The following B3GNT2 variants were observed in gnomAD, a reference collection of about 807,000 sequenced individuals.
The protein encoded by B3GNT2 is N-acetyllactosaminide beta-1,3-N-acetylglucosaminyltransferase 2.
A neutral mutation model predicts 27.6 loss-of-function variants in B3GNT2; 12 were observed. The observed-to-expected ratio is 0.44, with a 90% CI of 0.28 to 0.71. The LOEUF is 0.71. B3GNT2 is among the 30% of genes least tolerant of loss of function. B3GNT2 has a pLI of 0.17. For missense variants in B3GNT2, 413 were observed against 488.5 expected (o/e 0.85, Z 1.46); for synonymous variants, 192 against 189.7 (o/e 1.01, Z -0.10).
rs187778822 is a variant in B3GNT2 at position 62,202,114 on chromosome 2, C to T, written c.-10+5759C>T. ...GAGCAGTTTGTTCTCCGACCAAACA[C>T]GCATTGATTGAGCACTTGGTGTGTG... On this transcript the variant is annotated intron_variant, in intron 1 of 1. Coordinates refer to ENST00000301998, the MANE Select transcript of B3GNT2 (RefSeq NM_006577.6). Among the ~76,000 whole-genome samples, 14 of 152,320 alleles carry T rather than the reference C, an allele frequency of 9.2e-5. No individual in the cohort carries two copies. In the East Asian group the frequency reaches 1.9e-3, roughly 21 times the overall value.
At position 62,222,620 on chromosome 2, in the gene B3GNT2, C is replaced by G. The variant is rs1422255295; in HGVS notation, c.400C>G (p.Gln134Glu). The G allele has an allele frequency of 1.2e-6, 2 of 1,614,222 alleles. No individual in the cohort carries two copies. Among genetic ancestry groups the G allele is most frequent in the East Asian group, 2.2e-5 (1 of 44,892 alleles). Residue 134 changes from glutamine (Q) to glutamate (E), a missense_variant, in exon 2 of 2, where the codon CAG becomes GAG. By Grantham distance (29) the Gln-to-Glu change is conservative. Transcript: ENST00000301998. The surrounding 1 kb of genome is among the most constrained non-coding windows in gnomAD (Gnocchi z 4.2). ...RCRNYSLLID[Q>E]PDKCAKKPFL... ...CCGCAATTATTCACTGCTTATAGAT[C>G]AGCCGGATAAGTGTGCAAAGAAACC...
intron 1 of B3GNT2, among the ~76,000 whole-genome samples, chr2:62,199,325 C>A (rs1028818670): frequency 1.3e-5 from 2 of 152,258 alleles, no homozygotes; most frequent in Admixed American, 6.5e-5. Context: ...ATACTCTTGA[C>A]ATACTGGGTC....
chr2:62,197,666 T>C (rs1674179807), intron 1 of B3GNT2, among the ~76,000 whole-genome samples: 1 of 152,246 alleles, frequency 6.6e-6, no homozygotes, highest in African/African-American at 2.4e-5. Context: ...TAAAACAAAT[T>C]CTTCCGGTAT....
intron 1 of B3GNT2, among the ~76,000 whole-genome samples, chr2:62,200,761 C>A (rs1674251910): frequency 6.6e-6 from 1 of 152,124 alleles, no homozygotes; most frequent in Non-Finnish European, 1.5e-5. Flanking sequence ...ATAGATGTGA[C>A]TTCTGTCATC....
intron 1 of B3GNT2, among the ~76,000 whole-genome samples, chr2:62,217,671 C>CG (rs1306089353): frequency 6.6e-6 from 1 of 152,158 alleles, no homozygotes; most frequent in African/African-American, 2.4e-5. Context: ...TGCTGTATCC[C>CG]GGTCCCCAGC....
chr2:62,204,207 G>A (rs1674325199), intron 1 of B3GNT2, among the ~76,000 whole-genome samples: 1 of 152,148 alleles, frequency 6.6e-6, no homozygotes, highest in Admixed American at 6.5e-5. Context: ...TGTATTTCTA[G>A]TAGAGACAGG....
chr2:62,209,677 G>A (rs1450320589), intron 1 of B3GNT2, among the ~76,000 whole-genome samples: 1 of 152,232 alleles, frequency 6.6e-6, no homozygotes, highest in African/African-American at 2.4e-5. Context: ...CAGTTGGTGG[G>A]TAACGCTGGT....
chr2:62,203,902 G>A (rs1047867572), intron 1 of B3GNT2, among the ~76,000 whole-genome samples: 5 of 152,154 alleles, frequency 3.3e-5, no homozygotes, highest in Admixed American at 1.3e-4. Context: ...CTGCAGAATC[G>A]CATGAAACCT....
At position 62,207,879 on chromosome 2, in the gene B3GNT2, G is replaced by C. The variant is rs552355660; in HGVS notation, c.-10+11524G>C. Among the ~76,000 whole-genome samples the C allele has an allele frequency of 3.9e-5, 6 of 152,216 alleles. No homozygotes were observed. The East Asian group carries it at 9.6e-4, about 24-fold the overall frequency. ...CCCTGCCATAGATTATTCTTGCCTG[G>C]GAAAATAATGGATTGAATTTGATTG... On this transcript the variant is annotated intron_variant, in intron 1 of 1. Coordinates refer to ENST00000301998, the MANE Select transcript of B3GNT2 (RefSeq NM_006577.6).
rs150823555 is a variant in B3GNT2, at chr2:62,223,744, A to G, written c.*330A>G. The G allele has an allele frequency of 4.8e-4, 105 of 217,552 alleles. No homozygotes were observed. The highest frequency in any genetic ancestry group is 2.2e-3 in the African/African-American group (96 of 43,020). The allele number at this position is 217,552 out of a possible 1,614,324, so 13.5% of individuals were successfully genotyped here. On this transcript the variant is annotated 3_prime_UTR_variant, in exon 2 of 2. Transcript: ENST00000301998. ...GATTTTGTTTGCCCTCTTCTATAAT[A>G]TTCCTACTTCCCATAATAATGACTG...
In B3GNT2 at chr2:62,223,492, T is replaced by A; in HGVS notation, c.*78T>A. 2 of 1,287,368 alleles carry A rather than the reference T, an allele frequency of 1.6e-6. No homozygotes were observed. The highest frequency in any genetic ancestry group is 2.1e-6 in the Non-Finnish European group (2 of 938,146). The allele number at this position is 1,287,368 out of a possible 1,614,324, so 79.7% of individuals were successfully genotyped here. On this transcript the variant is annotated 3_prime_UTR_variant, in exon 2 of 2. Coordinates refer to ENST00000301998, the MANE Select transcript of B3GNT2 (RefSeq NM_006577.6). The stretch of plus-strand genomic sequence containing the variant: ...TGTTGTGTTCTCACATTAGAGTAAT[T>A]TCTATATTAAACCATGAAAATTGCC...
In B3GNT2 at chr2:62,207,589, C is replaced by T. The variant is rs148650438; in HGVS notation, c.-10+11234C>T. ...ACGGACTCCAGGGTGGGAGGATATGCGAGATGGTTTCGGGATGAAACTGTC... is the reference window on the plus strand; with the variant it reads ...ACGGACTCCAGGGTGGGAGGATATGTGAGATGGTTTCGGGATGAAACTGTC... On this transcript the variant is annotated intron_variant, in intron 1 of 1. Transcript: ENST00000301998. Among the ~76,000 whole-genome samples the T allele has an allele frequency of 1.2e-3, 190 of 152,186 alleles. 1 individual carries two copies. Among genetic ancestry groups the T allele is most frequent in the African/African-American group, 3.4e-3 (142 of 41,522 alleles).
intron 1 of B3GNT2, among the ~76,000 whole-genome samples, chr2:62,203,849 T>C (rs1674316896): frequency 6.6e-6 from 1 of 152,172 alleles, no homozygotes; most frequent in Non-Finnish European, 1.5e-5. Context: ...ATCAAATGTC[T>C]TTGTAGCTAT....
At chr2:62,198,369 A>T (rs1674196416) in intron 1 of B3GNT2, among the ~76,000 whole-genome samples, 1 of 152,208 alleles carries the variant, frequency 6.6e-6, no homozygotes, top group African/African-American at 2.4e-5. Context: ...TGTTTGCCAA[A>T]CTCCTAGCAC....
chr2:62,207,145 T>C (rs1219094213), intron 1 of B3GNT2, among the ~76,000 whole-genome samples: 1 of 152,154 alleles, frequency 6.6e-6, no homozygotes, highest in Non-Finnish European at 1.5e-5. Flanking sequence ...ACGTTTATCT[T>C]GCAGGGAAAT....
chr2:62,217,074 C>T (rs564739130), intron 1 of B3GNT2, among the ~76,000 whole-genome samples: 22 of 152,326 alleles, frequency 1.4e-4, no homozygotes, highest in Non-Finnish European at 3.1e-4. Flanking sequence ...TGTAGAGTCA[C>T]TAATGTTACT....
intron 1 of B3GNT2, among the ~76,000 whole-genome samples, chr2:62,198,653 A>G (rs1674201497): frequency 1.3e-5 from 2 of 152,236 alleles, no homozygotes; most frequent in Admixed American, 1.3e-4. Flanking sequence ...AGGGCTGAAT[A>G]TATGAAGGTT....
chr2:62,204,776 T>C (rs573072011), intron 1 of B3GNT2, among the ~76,000 whole-genome samples: 3 of 152,180 alleles, frequency 2.0e-5, no homozygotes, highest in African/African-American at 4.8e-5. Flanking sequence ...TAAAAAACTT[T>C]TATTCTTCAA....
At chr2:62,204,417 C>G (rs1335378487) in intron 1 of B3GNT2, among the ~76,000 whole-genome samples, 1 of 152,172 alleles carries the variant, frequency 6.6e-6, no homozygotes, top group Non-Finnish European at 1.5e-5. Flanking sequence ...GTTTTATGTG[C>G]ATGTGTGTTT....
Sources: gnomAD v4.1 joint callset for allele counts (sites outside exome capture counted in the v4.1 genomes callset) on GRCh38, gnomAD v4.1.1 for gene constraint, Gnocchi (gnomAD v3.1) non-coding constraint, MANE v1.5 for transcripts, NCBI Gene and HGNC (gene_info 2026-07-23, HGNC 2026-07-21) for gene names.